KCNK2: variants seen among roughly 807,000 people sequenced by gnomAD.
The protein encoded by KCNK2 is potassium channel subfamily K member 2.
Under a neutral mutation model 40.5 loss-of-function variants are expected in KCNK2, and 21 were observed. The ratio of observed to expected loss-of-function variants is 0.52; its 90% confidence interval spans 0.37 to 0.75. The LOEUF (loss-of-function observed/expected upper bound fraction) is 0.75, where lower values mean the gene tolerates loss of function less well. Among genes scored for constraint, KCNK2 ranks in the 30% least tolerant of loss-of-function variants. KCNK2 has a pLI of 0.00. For synonymous variants in KCNK2, 191 were observed against 202.2 expected, an observed-to-expected ratio of 0.94 and a Z score of 0.47; for missense variants, 399 against 531.6, an observed-to-expected ratio of 0.75 and a Z score of 2.45.
chr1:215,150,064 A>G (rs1343632644), intron 3 of KCNK2, among the ~76,000 whole-genome samples: 1 of 152,208 alleles, frequency 6.6e-6, no homozygotes, highest in African/African-American at 2.4e-5. Context: ...GTTATGATCT[A>G]GTAAGATCAG....
intron 1 of KCNK2, among the ~76,000 whole-genome samples, chr1:215,054,747 A>G (rs1658100595): frequency 6.6e-6 from 1 of 152,214 alleles, no homozygotes; most frequent in Non-Finnish European, 1.5e-5. Context: ...GTTTTGAGTT[A>G]TAAGGGGGGA....
chr1:215,153,514 CA>C (rs1662775126), intron 3 of KCNK2, among the ~76,000 whole-genome samples: 1 of 151,940 alleles, frequency 6.6e-6, no homozygotes, highest in Non-Finnish European at 1.5e-5. Flanking sequence ...TTGGCAAAAT[CA>C]TTAGGCCTTT....
chr1:215,033,148 C>T (rs1007943842), intron 1 of KCNK2, among the ~76,000 whole-genome samples: 1 of 151,582 alleles, frequency 6.6e-6, no homozygotes, highest in African/African-American at 2.4e-5. Context: ...TTAATGAACC[C>T]GTCAAGGCAT....
chr1:215,178,577 T>C (rs886362922), intron 5 of KCNK2, among the ~76,000 whole-genome samples: 1 of 152,162 alleles, frequency 6.6e-6, no homozygotes, highest in Non-Finnish European at 1.5e-5. Context: ...AGGGATGTTA[T>C]ATTTTATTAA....
rs145148030 is a variant in KCNK2 at position 215,115,712 on chromosome 1, T to A, written c.358-8921T>A. ...TCTGACTTCTTCTTCTACCTCCTTC[T>A]CTTTCATGCTTTCCTTTTTTTTTTA... On this transcript the variant is annotated intron_variant, in intron 2 of 6. Coordinates refer to ENST00000444842, the MANE Select transcript of KCNK2 (RefSeq NM_001017425.3). 9.5e-4 allele frequency among the ~76,000 whole-genome samples: 130 copies of A among 136,904 alleles called. 1 individual carries two copies. Among genetic ancestry groups the A allele is most frequent in the African/African-American group, 3.3e-3 (124 of 37,580 alleles). The allele number at this position is 136,904 out of a possible 152,430, so 89.8% of individuals were successfully genotyped here. A position where few individuals can be genotyped will look rare whatever the true frequency, so the allele number is the denominator to read the frequency against.
Position 215,235,586 on chromosome 1 carries a change from A to T in KCNK2, c.*441A>T, listed in dbSNP as rs1666849970. ...TTTTTGTAAATGACAAGAAATTCTT[A>T]TGCAGCCTTTTACCTAAGAAATTTT... On this transcript the variant is annotated 3_prime_UTR_variant, in exon 7 of 7. Coordinates refer to ENST00000444842, the MANE Select transcript of KCNK2 (RefSeq NM_001017425.3). The T allele has an allele frequency of 6.5e-6, 1 of 154,954 alleles. No homozygotes were observed. The highest frequency in any genetic ancestry group is 6.4e-5 in the Admixed American group (1 of 15,606). 9.6% of individuals were successfully genotyped at this position (154,954 alleles called of 1,614,324 possible).
intron 2 of KCNK2, among the ~76,000 whole-genome samples, chr1:215,122,050 A>G (rs763903248): frequency 1.3e-5 from 2 of 152,168 alleles, no homozygotes; most frequent in Non-Finnish European, 2.9e-5. Context: ...ATATATATTT[A>G]TGTATACAAC....
At chr1:215,230,522 T>TATATATACACATAACAGCC (rs1666602709) in intron 6 of KCNK2, among the ~76,000 whole-genome samples, 1 of 89,212 alleles carries the variant, frequency 1.1e-5, no homozygotes, top group African/African-American at 5.7e-5. Flanking sequence ...TATATATATA[T>TATATATACACATAACAGCC]ATATATATAT....
intron 3 of KCNK2, among the ~76,000 whole-genome samples, chr1:215,130,537 G>A (rs1247583038): frequency 6.6e-6 from 1 of 152,162 alleles, no homozygotes; most frequent in Non-Finnish European, 1.5e-5. Context: ...AGCACAGCAT[G>A]CCATTTGCTA....
chr1:215,139,169 TC>T (rs972524299), intron 3 of KCNK2, among the ~76,000 whole-genome samples: 91 of 152,312 alleles, frequency 6.0e-4, no homozygotes, highest in African/African-American at 2.2e-3. Flanking sequence ...CTGCAGCTGA[TC>T]CTTCAGTGTC....
At chr1:215,137,892 G>C (rs1662000019) in intron 3 of KCNK2, among the ~76,000 whole-genome samples, 1 of 152,112 alleles carries the variant, frequency 6.6e-6, no homozygotes. Flanking sequence ...TGAACTATTG[G>C]AAGACAGCTG....
intron 1 of KCNK2, among the ~76,000 whole-genome samples, chr1:215,014,499 G>A (rs1423737021): frequency 1.3e-5 from 2 of 151,832 alleles, no homozygotes; most frequent in African/African-American, 4.8e-5. Flanking sequence ...AATTAACAGA[G>A]AGAAATTAGT....
At chr1:215,122,515 T>A (rs951175927) in intron 2 of KCNK2, among the ~76,000 whole-genome samples, 10 of 152,146 alleles carry the variant, frequency 6.6e-5, no homozygotes, top group Non-Finnish European at 1.3e-4. Flanking sequence ...TGTATATACT[T>A]CTGTGCATTT....
chr1:215,175,975 C>T (rs1206073303), intron 5 of KCNK2, among the ~76,000 whole-genome samples: 2 of 152,002 alleles, frequency 1.3e-5, no homozygotes, highest in African/African-American at 4.8e-5. Flanking sequence ...GTGTATGTGA[C>T]TTTTTGTTAG....
intron 2 of KCNK2, among the ~76,000 whole-genome samples, chr1:215,123,256 C>T (rs549593668): frequency 1.1e-4 from 17 of 151,714 alleles, no homozygotes; most frequent in Admixed American, 1.1e-3. Flanking sequence ...ATAGTATTAA[C>T]TAAGTAAGAG....
intron 3 of KCNK2, among the ~76,000 whole-genome samples, chr1:215,143,585 C>A (rs1003248988): frequency 6.6e-6 from 1 of 151,968 alleles, no homozygotes; most frequent in African/African-American, 2.4e-5. Flanking sequence ...ATAAGTACGC[C>A]AAAGCATTGA....
At chr1:215,185,097 C>T (rs1409628402) in intron 5 of KCNK2, among the ~76,000 whole-genome samples, 1 of 150,648 alleles carries the variant, frequency 6.6e-6, no homozygotes, top group Non-Finnish European at 1.5e-5. Context: ...TTTTTACTAG[C>T]TTTTATTATA....
chr1:215,121,293 T>G (rs1012047725), intron 2 of KCNK2, among the ~76,000 whole-genome samples: 2 of 152,154 alleles, frequency 1.3e-5, no homozygotes, highest in Non-Finnish European at 2.9e-5. Context: ...GTTATTTTAT[T>G]TATTTATTTT....
At position 215,103,966 on chromosome 1, in the gene KCNK2, A is replaced by G. The variant is rs546864347; in HGVS notation, c.357+17288A>G. Among the ~76,000 whole-genome samples the G allele has an allele frequency of 3.9e-5, 6 of 152,166 alleles. No individual in the cohort carries two copies. The South Asian group carries it at 1.0e-3, about 26-fold the overall frequency. ...TTGAAGAAGAGAAAAAAATAAGCTA[A>G]TCTTATATATAGGCCAAACTGGGAT... On this transcript the variant is annotated intron_variant, in intron 2 of 6. Coordinates refer to ENST00000444842, the MANE Select transcript of KCNK2 (RefSeq NM_001017425.3).
Sources: allele counts gnomAD v4.1 joint callset (sites outside exome capture counted in the v4.1 genomes callset), GRCh38; gene constraint gnomAD v4.1.1; transcripts MANE v1.5; gene names NCBI Gene and HGNC (gene_info 2026-07-23, HGNC 2026-07-21).